DNAJB4: variants seen among roughly 807,000 people sequenced by gnomAD.
DNAJB4 encodes the protein DnaJ heat shock protein family (Hsp40) member B4, also known as dnaJ homolog subfamily B member 4.
Under a neutral mutation model 26.6 loss-of-function variants are expected in DNAJB4, and 10 were observed. The observed-to-expected ratio is 0.38, with a 90% confidence interval of 0.23 to 0.64. The LOEUF is 0.64. Among genes scored for constraint, DNAJB4 ranks in the 30% least tolerant of loss-of-function variants. DNAJB4 has a pLI of 0.58. For synonymous variants in DNAJB4, 136 were observed against 134.8 expected (o/e 1.01, Z -0.06); for missense variants, 328 against 408.2 (o/e 0.80, Z 1.69).
At position 78,016,068 on chromosome 1, in the gene DNAJB4, A is replaced by G. The variant is rs760659455; in HGVS notation, c.835A>G (p.Met279Val). The change falls in exon 3 of 3, where the codon ATG (methionine) becomes GTG (valine). Residue 279 changes from methionine (M) to valine (V), a missense_variant. Met to Val is a conservative substitution (Grantham distance 21, BLOSUM62 1). Coordinates refer to ENST00000370763, the MANE Select transcript of DNAJB4 (RefSeq NM_007034.5). ...AACACTGGATGGAAGAAACATACCT[A>G]TGTCAGTAAATGATATTGTGAAACC... Reference protein sequence around the residue: ...VPTLDGRNIPMSVNDIVKPGM... With the variant: ...VPTLDGRNIPVSVNDIVKPGM... 3 of 1,614,086 alleles carry G rather than the reference A, an allele frequency of 1.9e-6. No homozygotes were observed. Among genetic ancestry groups the G allele is most frequent in the East Asian group, 2.2e-5 (1 of 44,854 alleles).
At chr1:77,997,112 AT>A (rs542324824) in intron 1 of DNAJB4, among the ~76,000 whole-genome samples, 83 of 152,108 alleles carry the variant, frequency 5.5e-4, no homozygotes, top group African/African-American at 2.0e-3. Context: ...TCTTCAAGTA[AT>A]TTTTTTTCAA....
intron 1 of DNAJB4, among the ~76,000 whole-genome samples, chr1:78,007,160 G>T (rs1660347246): frequency 6.8e-6 from 1 of 146,332 alleles, no homozygotes. Flanking sequence ...TATACCCTGG[G>T]TTTTTTTTTT....
chr1:77,986,128 C>T (rs1659784430), intron 1 of DNAJB4, among the ~76,000 whole-genome samples: 1 of 152,130 alleles, frequency 6.6e-6, no homozygotes, highest in African/African-American at 2.4e-5. Flanking sequence ...GAGTCATTGT[C>T]ATCCCAATTG....
intron 1 of DNAJB4, among the ~76,000 whole-genome samples, chr1:77,981,956 G>A (rs1659659426): frequency 6.6e-6 from 1 of 152,146 alleles, no homozygotes; most frequent in South Asian, 2.1e-4. Context: ...AATTTTTAGA[G>A]AAAAATTTGG....
upstream of DNAJB4, among the ~76,000 whole-genome samples, chr1:78,001,613 A>C (rs538474422): frequency 2.0e-5 from 3 of 152,372 alleles, no homozygotes; most frequent in East Asian, 5.8e-4. Context: ...AAAGTAGAAG[A>C]TGAAGATGAC....
In DNAJB4 at chr1:78,016,508, T is replaced by G. The variant is rs1660646977; in HGVS notation, c.*261T>G. 1 of 442,892 alleles carries G rather than the reference T, an allele frequency of 2.3e-6. No homozygotes were observed. The highest frequency in any genetic ancestry group is 4.0e-6 in the Non-Finnish European group (1 of 250,188). The allele number at this position is 442,892 out of a possible 1,614,324, so 27.4% of individuals were successfully genotyped here. ...TAGTAATTTGCTTATATGTAAAAGT[T>G]GTTTTTGTGGAGTCAGTGGATATAT... is the stretch of plus-strand genomic sequence containing the variant. On this transcript the variant is annotated 3_prime_UTR_variant, in exon 3 of 3. Transcript: ENST00000370763.
upstream of DNAJB4, chr1:77,979,225 C>G (rs1557492870): frequency 1.9e-6 from 1 of 533,176 alleles, no homozygotes; most frequent in Non-Finnish European, 3.3e-6. Flanking sequence ...AGAGACGTCG[C>G]GAGGATTAAG....
At chr1:78,007,596 A>G (rs1030674104) in intron 1 of DNAJB4, among the ~76,000 whole-genome samples, 1 of 152,182 alleles carries the variant, frequency 6.6e-6, no homozygotes, top group Admixed American at 6.5e-5. Flanking sequence ...AAGAAAAGGA[A>G]AAAAAGAAAA....
upstream of DNAJB4, among the ~76,000 whole-genome samples, chr1:78,002,647 TAA>T (rs1660218478): frequency 6.6e-6 from 1 of 152,186 alleles, no homozygotes; most frequent in Admixed American, 6.5e-5. Flanking sequence ...TACAAAGCTA[TAA>T]GTGTGCAAGT....
In DNAJB4 at chr1:78,017,385, T is replaced by G. The variant is rs1660667916; in HGVS notation, c.*1138T>G. Reference sequence around the variant, plus strand: ...TGAAGCAAAATTTTTGGTTATAAAATAGTTTTCAGGATTATATATATATAT... The same window carrying G: ...TGAAGCAAAATTTTTGGTTATAAAAGAGTTTTCAGGATTATATATATATAT... On this transcript the variant is annotated 3_prime_UTR_variant, in exon 3 of 3. Coordinates refer to ENST00000370763, the MANE Select transcript of DNAJB4 (RefSeq NM_007034.5). 1 of 151,900 alleles carries G rather than the reference T, an allele frequency of 6.6e-6. No individual in the cohort carries two copies. Among genetic ancestry groups the G allele is most frequent in the African/African-American group, 2.4e-5 (1 of 41,432 alleles). 9.4% of individuals were successfully genotyped at this position (151,900 alleles called of 1,614,324 possible).
chr1:77,979,278 T>G, upstream of DNAJB4: 5 of 432,848 alleles, frequency 1.2e-5, no homozygotes, highest in Non-Finnish European at 2.1e-5. Context: ...GCACCTCCTC[T>G]CCGCGCGTTC....
intron 1 of DNAJB4, among the ~76,000 whole-genome samples, chr1:77,996,123 A>C (rs1660055336): frequency 6.6e-6 from 1 of 152,194 alleles, no homozygotes; most frequent in South Asian, 2.1e-4. Context: ...AGTTAGAATA[A>C]GTTAGTTCTA....
chr1:78,015,034 G>A (rs1476851537), intron 2 of DNAJB4, among the ~76,000 whole-genome samples: 4 of 152,092 alleles, frequency 2.6e-5, no homozygotes, highest in Non-Finnish European at 1.5e-5. Context: ...GAATCTAAGG[G>A]GTTAAGTTGG....
upstream of DNAJB4, among the ~76,000 whole-genome samples, chr1:78,001,763 A>G (rs1660200711): frequency 6.6e-6 from 1 of 152,156 alleles, no homozygotes; most frequent in African/African-American, 2.4e-5. Context: ...CCTGAGCTCA[A>G]GTGATCCTAC....
At chr1:77,998,174 A>G (rs753232952) in intron 1 of DNAJB4, among the ~76,000 whole-genome samples, 1 of 152,218 alleles carries the variant, frequency 6.6e-6, no homozygotes, top group Non-Finnish European at 1.5e-5. Context: ...GAGAGCAAGG[A>G]TAATGTCTAT....
At chr1:77,980,684 A>G (rs1021008337) in intron 1 of DNAJB4, among the ~76,000 whole-genome samples, 1 of 152,160 alleles carries the variant, frequency 6.6e-6, no homozygotes, top group Non-Finnish European at 1.5e-5. Context: ...ATTGTGAGAA[A>G]TATATATATG....
chr1:77,995,057 C>T (rs1326274941), intron 1 of DNAJB4, among the ~76,000 whole-genome samples: 1 of 152,126 alleles, frequency 6.6e-6, no homozygotes, highest in Non-Finnish European at 1.5e-5. Flanking sequence ...CCACATGAGA[C>T]TCTTAAGCTA....
intron 1 of DNAJB4, among the ~76,000 whole-genome samples, chr1:78,007,421 A>G (rs2102607711): frequency 6.6e-6 from 1 of 152,162 alleles, no homozygotes; most frequent in South Asian, 2.1e-4. Context: ...TCTCTACTAA[A>G]AATACAAAAA....
chr1:77,980,584 A>G (rs112381567), intron 1 of DNAJB4, among the ~76,000 whole-genome samples: 3,693 of 152,258 alleles, frequency 0.024, 50 homozygotes, highest in Middle Eastern at 0.065. Flanking sequence ...ATAACAAACA[A>G]TGAGGTAAAA....
Sources: gnomAD v4.1 joint callset for allele counts (sites outside exome capture counted in the v4.1 genomes callset) on GRCh38, gnomAD v4.1.1 for gene constraint, MANE v1.5 for transcripts, NCBI Gene and HGNC (gene_info 2026-07-23, HGNC 2026-07-21) for gene names.